Variants in MCTP2 observed in about 807,000 individuals in gnomAD.
MCTP2 encodes multiple C2 and transmembrane domain-containing protein 2.
Under a neutral mutation model 111.6 loss-of-function variants are expected in MCTP2, and 132 were observed. That is an observed-to-expected ratio of 1.18 (90% confidence interval 1.03 to 1.37). MCTP2 has a LOEUF of 1.37. MCTP2 is among the 40% of genes most tolerant of loss of function. The pLI, the probability that MCTP2 is intolerant of heterozygous loss-of-function variation, is 0.00. For missense variants in MCTP2, 1,183 were observed against 1,067.9 expected (o/e 1.11, Z -1.50); for synonymous variants, 395 against 387.7 (o/e 1.02, Z -0.22).
At chr15:94,419,584 A>G (rs1424082773) in intron 17 of MCTP2, among the ~76,000 whole-genome samples, 1 of 152,082 alleles carries the variant, frequency 6.6e-6, no homozygotes, top group Admixed American at 6.6e-5. Flanking sequence ...TTGACTGGGA[A>G]GAACATGCCA....
intron 8 of MCTP2, among the ~76,000 whole-genome samples, chr15:94,351,086 AT>A (rs2078279613): frequency 6.6e-6 from 1 of 152,146 alleles, no homozygotes; most frequent in South Asian, 2.1e-4. Context: ...TAGCTAATGT[AT>A]TTGTACACAG....
chr15:94,382,260 T>A (rs1235884713), intron 12 of MCTP2, among the ~76,000 whole-genome samples: 1 of 152,270 alleles, frequency 6.6e-6, no homozygotes, highest in South Asian at 2.1e-4. Context: ...CTTTGGTTTA[T>A]AGTGATATTT....
intron 14 of MCTP2, among the ~76,000 whole-genome samples, chr15:94,396,452 G>A (rs750076077): frequency 1.8e-4 from 28 of 151,864 alleles, no homozygotes; most frequent in African/African-American, 2.4e-4. Flanking sequence ...GTGTGTGTGT[G>A]TATATATATA....
intron 1 of MCTP2, among the ~76,000 whole-genome samples, chr15:94,248,680 A>G (rs1596174099): frequency 6.8e-6 from 1 of 147,394 alleles, no homozygotes. Flanking sequence ...CCTCTACTTT[A>G]AGTCTAAATC....
chr15:94,281,854 AT>A (rs369090006), intron 1 of MCTP2, among the ~76,000 whole-genome samples: 3 of 150,992 alleles, frequency 2.0e-5, no homozygotes, highest in Non-Finnish European at 3.0e-5. Flanking sequence ...GGTTGGAATT[AT>A]TTTTTTTTCA....
intron 1 of MCTP2, among the ~76,000 whole-genome samples, chr15:94,261,073 T>G (rs1384866347): frequency 6.6e-6 from 1 of 152,048 alleles, no homozygotes; most frequent in Non-Finnish European, 1.5e-5. Flanking sequence ...TCAGAAAACT[T>G]TTAAATCTAC....
intron 9 of MCTP2, 100 bp downstream of exon 9, chr15:94,356,401 A>G (rs2078627794): frequency 8.9e-7 from 1 of 1,121,980 alleles, no homozygotes; most frequent in Non-Finnish European, 1.2e-6. Flanking sequence ...GAAGTAATTT[A>G]TGTTCAGCCC....
At chr15:94,384,159 T>A in intron 13 of MCTP2, 35 bp downstream of exon 13, 1 of 1,462,806 alleles carries the variant, frequency 6.8e-7, no homozygotes. Context: ...ATTTCTGCTG[T>A]GCTTGGAAGG....
intron 21 of MCTP2, among the ~76,000 whole-genome samples, chr15:94,475,095 C>T (rs2074247853): frequency 6.6e-6 from 1 of 152,204 alleles, no homozygotes; most frequent in African/African-American, 2.4e-5. Context: ...TGTCTCCCTT[C>T]ATCATTTTGC....
At chr15:94,366,806 C>G (rs1348826390) in intron 10 of MCTP2, among the ~76,000 whole-genome samples, 1 of 152,180 alleles carries the variant, frequency 6.6e-6, no homozygotes, top group East Asian at 1.9e-4. Flanking sequence ...GTGGTCCAGG[C>G]AAACCCAGAG....
intron 14 of MCTP2, among the ~76,000 whole-genome samples, chr15:94,393,288 T>G (rs2081096751): frequency 6.6e-6 from 1 of 152,198 alleles, no homozygotes; most frequent in South Asian, 2.1e-4. Context: ...AAGATTTATG[T>G]GAAGAAATTC....
chr15:94,468,291 GATATAGGT>G (rs1596832045), intron 20 of MCTP2, among the ~76,000 whole-genome samples: 2 of 151,764 alleles, frequency 1.3e-5, no homozygotes, highest in East Asian at 3.9e-4. Flanking sequence ...CAGAATCTGT[GATATAGGT>G]ATTATTATTA....
chr15:94,422,316 C>T lies in MCTP2; in HGVS notation c.2086-17860C>T, dbSNP rs181720740. ...ATAGAGAATAACTTGGAGGGTTGTG[C>T]GGGACTCAGAAATAATTCCTAGTTA... On this transcript the variant is annotated intron_variant, in intron 17 of 22. Transcript: ENST00000357742. Among the ~76,000 whole-genome samples, 279 of 152,122 alleles carry T rather than the reference C, an allele frequency of 1.8e-3. 3 individuals are homozygous for T. The highest frequency in any genetic ancestry group is 2.5e-3 in the Non-Finnish European group (168 of 67,986).
chr15:94,345,195 T>C (rs776276978), intron 8 of MCTP2, 31 bp downstream of exon 8: 49 of 1,600,834 alleles, frequency 3.1e-5, no homozygotes, highest in Non-Finnish European at 4.1e-5. Context: ...TTTAGATCAT[T>C]TGGTTAAAAA....
rs1182670683 is a variant in MCTP2 at position 94,314,350 on chromosome 15, T to C, written c.528+6T>C. On this transcript the variant is annotated splice_donor_region_variant and intron_variant, in intron 3 of 22. Coordinates refer to ENST00000357742, the MANE Select transcript of MCTP2 (RefSeq NM_001385001.1). ...AACATTTTGAAGAACAATCTGTGAG[T>C]GGCATTCCTTAAAAAGAAACATTAA... 7.6e-6 allele frequency: 12 copies of C among 1,587,886 alleles called. No individual in the cohort carries two copies. In the East Asian group the frequency reaches 2.7e-4, roughly 36 times the overall value.
chr15:94,383,758 T>C (rs1039947888), intron 12 of MCTP2, among the ~76,000 whole-genome samples: 2 of 152,178 alleles, frequency 1.3e-5, no homozygotes, highest in African/African-American at 2.4e-5. Context: ...GGAGCTACAA[T>C]TCAAGATGAT....
At position 94,483,423 on chromosome 15, in the gene MCTP2, A is replaced by G. The variant is rs1182629109; in HGVS notation, c.*4389A>G. The G allele has an allele frequency of 6.6e-6, 1 of 152,206 alleles. No homozygotes were observed. The highest frequency in any genetic ancestry group is 6.5e-5 in the Admixed American group (1 of 15,278). The allele number at this position is 152,206 out of a possible 1,614,324, so 9.4% of individuals were successfully genotyped here. On this transcript the variant is annotated 3_prime_UTR_variant, in exon 23 of 23. Transcript: ENST00000357742. ...GCACACACATGTTCACTGCAACACTATTTACAATAGCAAAGACACTGGATC... is the reference window on the plus strand; with the variant it reads ...GCACACACATGTTCACTGCAACACTGTTTACAATAGCAAAGACACTGGATC...
At chr15:94,470,128 A>G (rs2073793049) in intron 20 of MCTP2, among the ~76,000 whole-genome samples, 1 of 152,162 alleles carries the variant, frequency 6.6e-6, no homozygotes, top group African/African-American at 2.4e-5. Context: ...TTGAATGGCA[A>G]TTGGTTTGTG....
In MCTP2 at chr15:94,476,480, C is replaced by T. The variant is rs562622060; in HGVS notation, c.2471-216C>T. The T allele has an allele frequency of 2.8e-5, 11 of 390,578 alleles. No individual in the cohort carries two copies. In the South Asian group the frequency reaches 3.1e-4, roughly 11 times the overall value. The allele number at this position is 390,578 out of a possible 1,614,324, so 24.2% of individuals were successfully genotyped here. On this transcript the variant is annotated intron_variant, in intron 21 of 22. Transcript: ENST00000357742. ...ATTTGTGAATGATTCTACATGACAG[C>T]AACATGTGCTTGACTTGAGGTCTGG...
Sources: allele counts gnomAD v4.1 joint callset (sites outside exome capture counted in the v4.1 genomes callset), GRCh38; gene constraint gnomAD v4.1.1; transcripts MANE v1.5; gene names NCBI Gene and HGNC (gene_info 2026-07-23, HGNC 2026-07-21).